The following SEZ6L variants were observed in gnomAD, a reference collection of about 807,000 sequenced individuals.
SEZ6L encodes seizure related 6 homolog like.
In SEZ6L, 37 loss-of-function variants were observed where a neutral mutation model predicts 106.2. That is an observed-to-expected ratio of 0.35 (90% confidence interval 0.27 to 0.46). The LOEUF (loss-of-function observed/expected upper bound fraction) is 0.46, where lower values mean the gene tolerates loss of function less well. SEZ6L is among the 20% of genes least tolerant of loss of function. The pLI is 1.00. For missense variants in SEZ6L, 1,172 were observed against 1,332.8 expected, an observed-to-expected ratio of 0.88 and a Z score of 1.88; for synonymous variants, 541 against 570.4, an observed-to-expected ratio of 0.95 and a Z score of 0.73.
chr22:26,375,519 A>G (rs570044065), intron 14 of SEZ6L, 56 bp from the exon 15 acceptor site: 3 of 1,424,780 alleles, frequency 2.1e-6, no homozygotes, highest in Non-Finnish European at 3.0e-6. Context: ...GCAGTTGGGC[A>G]CTCACTGGGA....
chr22:26,340,400 A>T (rs1601545926), intron 9 of SEZ6L, 36 bp from the exon 10 acceptor site: 1 of 1,566,646 alleles, frequency 6.4e-7, no homozygotes, highest in South Asian at 1.2e-5. Context: ...CCCATTCTCT[A>T]TTTCACATGA....
chr22:26,328,964 G>T lies in SEZ6L; in HGVS notation c.2016-11472G>T, dbSNP rs192770440. ...ACTAATTCCCAGTCTCCACCCCCAG[G>T]GTTTCTGATGGCCTGATTTGTCTGG... On this transcript the variant is annotated intron_variant, in intron 9 of 16. Coordinates refer to ENST00000248933, the MANE Select transcript of SEZ6L (RefSeq NM_021115.5). 2.6e-5 allele frequency among the ~76,000 whole-genome samples: 4 copies of T among 152,136 alleles called. No homozygotes were observed. In the East Asian group the frequency reaches 7.7e-4, roughly 29 times the overall value.
chr22:26,183,576 A>C (rs928847088), intron 1 of SEZ6L, among the ~76,000 whole-genome samples: 1 of 152,238 alleles, frequency 6.6e-6, no homozygotes, highest in Non-Finnish European at 1.5e-5. Context: ...GGTGAAATAA[A>C]TGTGTCACTT....
At chr22:26,212,783 GAA>G (rs2078198434) in intron 1 of SEZ6L, among the ~76,000 whole-genome samples, 1 of 152,134 alleles carries the variant, frequency 6.6e-6, no homozygotes, top group Non-Finnish European at 1.5e-5. Flanking sequence ...ACAGTGGGGA[GAA>G]AGAGTGAGAA....
chr22:26,273,235 C>T (rs2080426967), intron 1 of SEZ6L, among the ~76,000 whole-genome samples: 1 of 152,246 alleles, frequency 6.6e-6, no homozygotes, highest in Non-Finnish European at 1.5e-5. Context: ...GCATCTTTCC[C>T]CCACCCCAGG....
At chr22:26,275,873 C>T (rs1300125931) in intron 1 of SEZ6L, among the ~76,000 whole-genome samples, 1 of 152,148 alleles carries the variant, frequency 6.6e-6, no homozygotes, top group African/African-American at 2.4e-5. Context: ...GAGCAGATCC[C>T]CTGCTGATTT....
In SEZ6L at chr22:26,196,657, G is replaced by A. The variant is rs550891094; in HGVS notation, c.94+26894G>A. Among the ~76,000 whole-genome samples, 3 of 152,332 alleles carry A rather than the reference G, an allele frequency of 2.0e-5. No homozygotes were observed. The South Asian group carries it at 6.2e-4, about 32-fold the overall frequency. On this transcript the variant is annotated intron_variant, in intron 1 of 16. Coordinates refer to ENST00000248933, the MANE Select transcript of SEZ6L (RefSeq NM_021115.5). ...AAACTCACTTTGACTGCTGGGTGGA[G>A]AATGAATGGTAGGGAAAGACCAGGC...
chr22:26,280,132 C>T (rs1045441509), intron 1 of SEZ6L, among the ~76,000 whole-genome samples: 1 of 152,180 alleles, frequency 6.6e-6, no homozygotes, highest in Admixed American at 6.5e-5. Context: ...GGGATGCACA[C>T]CCGCCTACCT....
chr22:26,262,378 C>A (rs530843632), intron 1 of SEZ6L, among the ~76,000 whole-genome samples: 1 of 152,088 alleles, frequency 6.6e-6, no homozygotes, highest in African/African-American at 2.4e-5. Flanking sequence ...TCATGTAAAT[C>A]TGCAGAAATC....
chr22:26,171,502 T>G (rs879197039), intron 1 of SEZ6L, among the ~76,000 whole-genome samples: 1 of 151,744 alleles, frequency 6.6e-6, no homozygotes, highest in Non-Finnish European at 1.5e-5. Flanking sequence ...TACACCACCT[T>G]GCAGGGAAAA....
At chr22:26,174,798 A>G (rs919178417) in intron 1 of SEZ6L, among the ~76,000 whole-genome samples, 1 of 152,222 alleles carries the variant, frequency 6.6e-6, no homozygotes, top group Non-Finnish European at 1.5e-5. Context: ...ACGAGATATA[A>G]TTTACTAGAA....
chr22:26,200,569 G>A lies in SEZ6L; in HGVS notation c.94+30806G>A, dbSNP rs541174079. On this transcript the variant is annotated intron_variant, in intron 1 of 16. Coordinates refer to ENST00000248933, the MANE Select transcript of SEZ6L (RefSeq NM_021115.5). Reference sequence around the variant, plus strand: ...CTACTGGAGTCCCTATGTGAGAAGGGGTGGAAGGAGATGAGGAACGCAATG... The same window carrying A: ...CTACTGGAGTCCCTATGTGAGAAGGAGTGGAAGGAGATGAGGAACGCAATG... Among the ~76,000 whole-genome samples the A allele has an allele frequency of 1.3e-4, 20 of 152,298 alleles. 1 individual carries two copies. In the South Asian group the frequency reaches 3.9e-3, roughly 30 times the overall value.
chr22:26,227,892 T>C (rs1396221615), intron 1 of SEZ6L, among the ~76,000 whole-genome samples: 1 of 152,198 alleles, frequency 6.6e-6, no homozygotes, highest in East Asian at 1.9e-4. Flanking sequence ...TTTGCACACA[T>C]GCATGGAGAA....
chr22:26,280,346 C>G (rs949876635), intron 1 of SEZ6L, among the ~76,000 whole-genome samples: 1 of 152,084 alleles, frequency 6.6e-6, no homozygotes, highest in Non-Finnish European at 1.5e-5. Flanking sequence ...TATTCCTCAT[C>G]ATTCTACTTC....
chr22:26,369,255 A>G (rs989846475), intron 13 of SEZ6L, among the ~76,000 whole-genome samples: 5 of 151,824 alleles, frequency 3.3e-5, no homozygotes, highest in African/African-American at 1.2e-4. Flanking sequence ...AGTATGGGAA[A>G]CACTAGCATG....
chr22:26,347,915 T>A lies in SEZ6L; in HGVS notation c.2407+2T>A. ...GCGACCCCCCATTTTGTGAGAAAAG[T>A]AAGAGTGGTCTTGTTTCCTTCCTCT... On this transcript the variant is annotated splice_donor_variant, in intron 11 of 16. Transcript: ENST00000248933. LOFTEE classifies it high-confidence loss of function. The A allele has an allele frequency of 6.4e-7, 1 of 1,561,818 alleles. No homozygotes were observed. The highest frequency in any genetic ancestry group is 8.6e-7 in the Non-Finnish European group (1 of 1,161,378).
chr22:26,231,633 T>C (rs764420004), intron 1 of SEZ6L, among the ~76,000 whole-genome samples: 26 of 152,190 alleles, frequency 1.7e-4, no homozygotes, highest in Non-Finnish European at 3.1e-4. Flanking sequence ...ATTTGTTCTA[T>C]TCTTCCTTTG....
At chr22:26,220,917 ATGG>A (rs2078447954) in intron 1 of SEZ6L, among the ~76,000 whole-genome samples, 1 of 151,658 alleles carries the variant, frequency 6.6e-6, no homozygotes, top group Non-Finnish European at 1.5e-5. Context: ...GGATGGATGG[ATGG>A]ATGGATGGGT....
chr22:26,336,630 G>A (rs1295079713), intron 9 of SEZ6L, among the ~76,000 whole-genome samples: 2 of 152,118 alleles, frequency 1.3e-5, no homozygotes, highest in Admixed American at 1.3e-4. Context: ...GCATTTAATG[G>A]TCTGTTGCAC....
Sources: gnomAD v4.1 joint callset for allele counts (sites outside exome capture counted in the v4.1 genomes callset) on GRCh38, gnomAD v4.1.1 for gene constraint, MANE v1.5 for transcripts, NCBI Gene and HGNC (gene_info 2026-07-23, HGNC 2026-07-21) for gene names.